ACOX2: variants seen among roughly 807,000 people sequenced by gnomAD.
The protein encoded by ACOX2 is acyl-CoA oxidase 2.
A neutral mutation model predicts 77.5 loss-of-function variants in ACOX2; 59 were observed. The observed-to-expected ratio is 0.76, with a 90% CI of 0.62 to 0.95. The LOEUF is 0.95. Among genes scored for constraint, ACOX2 ranks in the 40% least tolerant of loss-of-function variants. The probability of loss-of-function intolerance (pLI) is 0.00; values close to 1 mark genes in which losing one functional copy is unlikely to be tolerated. For synonymous variants in ACOX2, 317 were observed against 340.1 expected, an observed-to-expected ratio of 0.93 and a Z score of 0.75; for missense variants, 837 against 880.4, an observed-to-expected ratio of 0.95 and a Z score of 0.62.
chr3:58,527,536 G>GAAAAAAAAAAAAAAA lies in ACOX2; in HGVS notation c.1156-881_1156-880insTTTTTTTTTTTTTTT, dbSNP rs71625626. On this transcript the variant is annotated intron_variant, in intron 9 of 14. Coordinates refer to ENST00000302819, the MANE Select transcript of ACOX2 (RefSeq NM_003500.4). ...GGGTGACAGAGTGAGACTGTCTCAGGAAAAAAAAAAAAAAGAAAGAAAGAG... is the reference window on the plus strand; with the variant it reads ...GGGTGACAGAGTGAGACTGTCTCAGGAAAAAAAAAAAAAAAAAAAAAAAAAAAAAGAAAGAAAGAG... Among the ~76,000 whole-genome samples the GAAAAAAAAAAAAAAA allele has an allele frequency of 1.6e-4, 17 of 107,692 alleles. 1 individual carries two copies. Among genetic ancestry groups the GAAAAAAAAAAAAAAA allele is most frequent in the African/African-American group, 6.5e-4 (14 of 21,692 alleles). The allele number at this position is 107,692 out of a possible 152,430, so 70.7% of individuals were successfully genotyped here. A position where few individuals can be genotyped will look rare whatever the true frequency, so the allele number is the denominator to read the frequency against.
chr3:58,510,707 TATACACACACAC>T (rs2063279791), intron 13 of ACOX2, among the ~76,000 whole-genome samples: 4 of 3,176 alleles, frequency 1.3e-3, no homozygotes, highest in African/African-American at 3.6e-3. Context: ...TATATATATA[TATACACACACAC>T]ACACACACAC....
intron 12 of ACOX2, among the ~76,000 whole-genome samples, chr3:58,518,075 CAAAAAAAA>C (rs763535906): frequency 6.5e-4 from 31 of 47,682 alleles, no homozygotes; most frequent in Non-Finnish European, 9.0e-4. Context: ...AACTCCATCT[CAAAAAAAA>C]AAAAAAAAAA....
rs370154949 is a variant in ACOX2, at chr3:58,526,673, G to T, written c.1156-17C>A. The T allele has an allele frequency of 6.2e-7, 1 of 1,611,138 alleles. No individual in the cohort carries two copies. Among genetic ancestry groups the T allele is most frequent in the Non-Finnish European group, 8.5e-7 (1 of 1,178,592 alleles). The stretch of plus-strand genomic sequence containing the variant: ...TGCGTGGAGCTGTGAGAACATGGAG[G>T]GGGGTTGGGCGGTGTTAGGGGGCCT... On this transcript the variant is annotated splice_polypyrimidine_tract_variant and intron_variant, in intron 9 of 14. Coordinates refer to ENST00000302819, the MANE Select transcript of ACOX2 (RefSeq NM_003500.4). This position sits in a 1 kb window ranked among gnomAD's most constrained non-coding sequence, Gnocchi z 4.3.
chr3:58,528,760 T>G lies in ACOX2; in HGVS notation c.1155+34A>C, dbSNP rs766877340. On this transcript the variant is annotated intron_variant, in intron 9 of 14. Coordinates refer to ENST00000302819, the MANE Select transcript of ACOX2 (RefSeq NM_003500.4). This position sits in a 1 kb window ranked among gnomAD's most constrained non-coding sequence, Gnocchi z 5.6. Reference sequence around the variant, plus strand: ...TGGAACAATCTTAGCTCCCAGCGCCTGCCAGCGCCTGCCCCTCCGCAGACA... The same window carrying G: ...TGGAACAATCTTAGCTCCCAGCGCCGGCCAGCGCCTGCCCCTCCGCAGACA... The G allele has an allele frequency of 3.8e-6, 6 of 1,575,368 alleles. No homozygotes were observed. In the South Asian group the frequency reaches 5.9e-5, roughly 16 times the overall value.
At position 58,531,152 on chromosome 3, in the gene ACOX2, G is replaced by T; in HGVS notation, c.819+99C>A. Reference sequence around the variant, plus strand: ...CTCTCTTGGGGGAGGAGGTTATGTGGCCCAAACTAAGCTCTATGGAGGACC... The same window carrying T: ...CTCTCTTGGGGGAGGAGGTTATGTGTCCCAAACTAAGCTCTATGGAGGACC... On this transcript the variant is annotated intron_variant, in intron 7 of 14. Transcript: ENST00000302819. This position sits in a 1 kb window ranked among gnomAD's most constrained non-coding sequence, Gnocchi z 5.8. 9.5e-7 allele frequency: 1 copy of T among 1,054,968 alleles called. No individual in the cohort carries two copies. The highest frequency in any genetic ancestry group is 1.4e-6 in the Non-Finnish European group (1 of 721,930). 65.4% of individuals were successfully genotyped at this position (1,054,968 alleles called of 1,614,324 possible). A position where few individuals can be genotyped will look rare whatever the true frequency, so the allele number is the denominator to read the frequency against.
Position 58,522,254 on chromosome 3 carries a change from A to C in ACOX2, c.1632+242T>G, listed in dbSNP as rs566704436. ...TCTATCTGGGAGGAAATATTTGAAC[A>C]ACCTGAAGCAAATCCAATAACACTG... On this transcript the variant is annotated intron_variant, in intron 12 of 14. Coordinates refer to ENST00000302819, the MANE Select transcript of ACOX2 (RefSeq NM_003500.4). The surrounding 1 kb of genome is among the most constrained non-coding windows in gnomAD (Gnocchi z 4.3). 3.3e-5 allele frequency among the ~76,000 whole-genome samples: 5 copies of C among 152,376 alleles called. No individual in the cohort carries two copies. The East Asian group carries it at 7.7e-4, about 23-fold the overall frequency.
Position 58,535,136 on chromosome 3 carries a change from A to C in ACOX2, c.-30T>G. ...TCCTGGATCTGTCTGGTGACTATGGAGAGACACTTCCAACCCGGCTGCTCC... is the reference window on the plus strand; with the variant it reads ...TCCTGGATCTGTCTGGTGACTATGGCGAGACACTTCCAACCCGGCTGCTCC... On this transcript the variant is annotated 5_prime_UTR_variant, in exon 2 of 15. Transcript: ENST00000302819. The surrounding 1 kb of genome is among the most constrained non-coding windows in gnomAD (Gnocchi z 4.8). 1 of 1,614,016 alleles carries C rather than the reference A, an allele frequency of 6.2e-7. No homozygotes were observed. The highest frequency in any genetic ancestry group is 8.5e-7 in the Non-Finnish European group (1 of 1,179,938).
intron 9 of ACOX2, among the ~76,000 whole-genome samples, chr3:58,527,261 G>A (rs1037816646): frequency 6.6e-6 from 1 of 151,996 alleles, no homozygotes; most frequent in African/African-American, 2.4e-5. Context: ...CTTCTGGCTG[G>A]GTGTGGTGGC....
intron 7 of ACOX2, 111 bp from the exon 8 acceptor site, chr3:58,530,749 G>T: frequency 7.7e-7 from 1 of 1,305,478 alleles, no homozygotes; most frequent in Non-Finnish European, 1.1e-6. Flanking sequence ...CCCTCAACCG[G>T]CGCATCTGGA....
chr3:58,536,619 G>A (rs1577004915), intron 1 of ACOX2, among the ~76,000 whole-genome samples: 1 of 152,212 alleles, frequency 6.6e-6, no homozygotes. Context: ...TCCTTGCTCT[G>A]CTGCCACTGC....
Position 58,533,269 on chromosome 3 carries a change from C to A in ACOX2, c.583+176G>T, listed in dbSNP as rs1336746732. On this transcript the variant is annotated intron_variant, in intron 5 of 14. Coordinates refer to ENST00000302819, the MANE Select transcript of ACOX2 (RefSeq NM_003500.4). The surrounding 1 kb of genome is among the most constrained non-coding windows in gnomAD (Gnocchi z 5.6). ...ACTAATGAAATGTTTAATATCCCACCTATTTTACAGAGTAAGAACCTGAGG... is the reference window on the plus strand; with the variant it reads ...ACTAATGAAATGTTTAATATCCCACATATTTTACAGAGTAAGAACCTGAGG... Among the ~76,000 whole-genome samples, 1 of 152,106 alleles carries A rather than the reference C, an allele frequency of 6.6e-6. No individual in the cohort carries two copies.
rs995672714 is a variant in ACOX2 at position 58,512,621 on chromosome 3, T to G, written c.1851-3596A>C. The stretch of plus-strand genomic sequence containing the variant: ...CTGCCGTCATTTTCCACCGCAGTCA[T>G]GCCATTCCTGCCCCTGTGGCCTCTT... On this transcript the variant is annotated intron_variant, in intron 13 of 14. Coordinates refer to ENST00000302819, the MANE Select transcript of ACOX2 (RefSeq NM_003500.4). This position sits in a 1 kb window ranked among gnomAD's most constrained non-coding sequence, Gnocchi z 4.8. 1.3e-5 allele frequency among the ~76,000 whole-genome samples: 2 copies of G among 152,190 alleles called. No individual in the cohort carries two copies. The highest frequency in any genetic ancestry group is 2.9e-5 in the Non-Finnish European group (2 of 68,042).
chr3:58,517,507 A>G, intron 12 of ACOX2, 84 bp from the exon 13 acceptor site: 1 of 1,372,716 alleles, frequency 7.3e-7, no homozygotes, highest in Non-Finnish European at 1.0e-6. Context: ...GATGGCTGGA[A>G]TAAACTTGAG....
intron 12 of ACOX2, among the ~76,000 whole-genome samples, chr3:58,518,093 A>AG (rs2063334711): frequency 6.6e-6 from 1 of 151,374 alleles, no homozygotes; most frequent in African/African-American, 2.4e-5. Context: ...AAAAAAAAAA[A>AG]AAAAAAAGAA....
In ACOX2 at chr3:58,505,211, A is replaced by G. The variant is rs2063225402; in HGVS notation, c.*13T>C. On this transcript the variant is annotated 3_prime_UTR_variant, in exon 15 of 15. Transcript: ENST00000302819. The surrounding 1 kb of genome is among the most constrained non-coding windows in gnomAD (Gnocchi z 4.4). ...TGATGGTGCTGGTTGCTTCTTGAAT[A>G]CTGTTGGTTATTTCATAGCTTGGAT... 6.2e-7 allele frequency: 1 copy of G among 1,609,236 alleles called. No homozygotes were observed. Among genetic ancestry groups the G allele is most frequent in the East Asian group, 2.2e-5 (1 of 44,760 alleles).
At chr3:58,510,405 G>C (rs2063269826) in intron 13 of ACOX2, among the ~76,000 whole-genome samples, 1 of 151,726 alleles carries the variant, frequency 6.6e-6, no homozygotes, top group Non-Finnish European at 1.5e-5. Context: ...GACCGAGGCA[G>C]ATGGATCAGC....
intron 1 of ACOX2, among the ~76,000 whole-genome samples, chr3:58,536,091 T>C (rs1179250052): frequency 1.3e-5 from 2 of 152,026 alleles, no homozygotes; most frequent in African/African-American, 4.8e-5. Context: ...TTGCTGTGTC[T>C]ACCCAACCCT....
chr3:58,508,747 G>T, intron 14 of ACOX2, 146 bp downstream of exon 14: 1 of 1,101,306 alleles, frequency 9.1e-7, no homozygotes, highest in Non-Finnish European at 1.3e-6. Context: ...TCTTTTATGT[G>T]TTCTCTAAGA....
rs142345997 is a variant in ACOX2 at position 58,514,521 on chromosome 3, T to G, written c.1850+2685A>C. Among the ~76,000 whole-genome samples the G allele has an allele frequency of 4.6e-5, 7 of 152,262 alleles. No individual in the cohort carries two copies. Among genetic ancestry groups the G allele is most frequent in the African/African-American group, 1.7e-4 (7 of 41,546 alleles). On this transcript the variant is annotated intron_variant, in intron 13 of 14. Coordinates refer to ENST00000302819, the MANE Select transcript of ACOX2 (RefSeq NM_003500.4). This position sits in a 1 kb window ranked among gnomAD's most constrained non-coding sequence, Gnocchi z 4.3. Reference sequence around the variant, plus strand: ...CCTTCAGTTTTCATCTCAGAAATCTTAGGGAGATAGTGACTAATCAAGGCA... The same window carrying G: ...CCTTCAGTTTTCATCTCAGAAATCTGAGGGAGATAGTGACTAATCAAGGCA...
Sources: allele counts gnomAD v4.1 joint callset (sites outside exome capture counted in the v4.1 genomes callset), GRCh38; gene constraint gnomAD v4.1.1; non-coding constraint Gnocchi (gnomAD v3.1); transcripts MANE v1.5; gene names NCBI Gene and HGNC (gene_info 2026-07-23, HGNC 2026-07-21).